Variants in PRICKLE1 observed in about 807,000 individuals in gnomAD.
PRICKLE1 encodes prickle-like protein 1.
A neutral mutation model predicts 70.2 loss-of-function variants in PRICKLE1; 14 were observed. That is an observed-to-expected ratio of 0.20 (90% confidence interval 0.13 to 0.31). The LOEUF is 0.31. PRICKLE1 is among the 10% of genes least tolerant of loss of function. The pLI, the probability that PRICKLE1 is intolerant of heterozygous loss-of-function variation, is 1.00. For synonymous variants in PRICKLE1, 357 were observed against 379.9 expected, an observed-to-expected ratio of 0.94 and a Z score of 0.70; for missense variants, 821 against 1,026.2, an observed-to-expected ratio of 0.80 and a Z score of 2.73.
intron 1 of PRICKLE1, among the ~76,000 whole-genome samples, chr12:42,531,679 C>T (rs573017615): frequency 2.6e-5 from 4 of 152,196 alleles, no homozygotes; most frequent in African/African-American, 7.2e-5. Context: ...TTTTCAAAAA[C>T]AACTTAATGG....
At chr12:42,516,804 C>T (rs12578780) in intron 1 of PRICKLE1, among the ~76,000 whole-genome samples, 58,399 of 151,910 alleles carry the variant, frequency 0.38, 11,940 homozygotes, top group East Asian at 0.6. Context: ...TTGTTCTCAC[C>T]GCATGCACCC....
intron 1 of PRICKLE1, among the ~76,000 whole-genome samples, chr12:42,556,138 T>C (rs1453467314): frequency 6.6e-6 from 1 of 152,194 alleles, no homozygotes; most frequent in Non-Finnish European, 1.5e-5. Flanking sequence ...CCTTAAGCAA[T>C]TGATTGTTGA....
chr12:42,548,362 T>C, intron 1 of PRICKLE1, among the ~76,000 whole-genome samples: 1 of 152,186 alleles, frequency 6.6e-6, no homozygotes. Context: ...GAAAAAACCA[T>C]CCTATATTTT....
At position 42,567,395 on chromosome 12, in the gene PRICKLE1, T is replaced by C. The variant is rs1940637575; in HGVS notation, c.-49+22070A>G. 2.6e-5 allele frequency among the ~76,000 whole-genome samples: 4 copies of C among 152,222 alleles called. No individual in the cohort carries two copies. In the South Asian group the frequency reaches 8.3e-4, roughly 32 times the overall value. On this transcript the variant is annotated intron_variant, in intron 1 of 7. Coordinates refer to ENST00000345127, the MANE Select transcript of PRICKLE1 (RefSeq NM_153026.3). Reference sequence around the variant, plus strand: ...CAGTCTTGCCAGATTATTTCTGGAGTATTTCTCAAATGGAAGTAAACTTTT... The same window carrying C: ...CAGTCTTGCCAGATTATTTCTGGAGCATTTCTCAAATGGAAGTAAACTTTT...
intron 1 of PRICKLE1, among the ~76,000 whole-genome samples, chr12:42,479,695 G>A (rs1938718276): frequency 6.6e-6 from 1 of 152,198 alleles, no homozygotes; most frequent in Non-Finnish European, 1.5e-5. Flanking sequence ...AGTGGCTCAT[G>A]CCTGTAATCC....
chr12:42,585,706 T>C (rs1206320630), intron 1 of PRICKLE1, among the ~76,000 whole-genome samples: 4 of 152,170 alleles, frequency 2.6e-5, no homozygotes, highest in Non-Finnish European at 1.5e-5. Flanking sequence ...CTTACTCAGA[T>C]TCCCCATACA....
chr12:42,588,441 G>T (rs1941018879), intron 1 of PRICKLE1, among the ~76,000 whole-genome samples: 1 of 151,904 alleles, frequency 6.6e-6, no homozygotes, highest in South Asian at 2.1e-4. Context: ...GCATCCATTT[G>T]ATAGCACAAA....
Position 42,570,398 on chromosome 12 carries a change from T to C in PRICKLE1, c.-49+19067A>G, listed in dbSNP as rs563181486. ...CTCACAGAATTATGATTAGGCAATT[T>C]TGAATGGCACCCATATTTCTCTTTC... On this transcript the variant is annotated intron_variant, in intron 1 of 7. Transcript: ENST00000345127. 2.6e-5 allele frequency among the ~76,000 whole-genome samples: 4 copies of C among 152,360 alleles called. No homozygotes were observed. The South Asian group carries it at 8.3e-4, about 32-fold the overall frequency.
intron 1 of PRICKLE1, among the ~76,000 whole-genome samples, chr12:42,543,599 T>C (rs954825005): frequency 2.0e-5 from 3 of 152,158 alleles, no homozygotes; most frequent in Non-Finnish European, 4.4e-5. Flanking sequence ...CTTGGCTCAC[T>C]GCAAGCTCCA....
intron 6 of PRICKLE1, chr12:42,465,516 G>A (rs73273967): frequency 1.6e-5 from 8 of 501,488 alleles, no homozygotes; most frequent in South Asian, 4.6e-5. Context: ...GTAAAAATAC[G>A]AACTGAACCA....
intron 1 of PRICKLE1, among the ~76,000 whole-genome samples, chr12:42,489,215 G>T (rs894679690): frequency 6.6e-6 from 1 of 150,872 alleles, no homozygotes; most frequent in African/African-American, 2.4e-5. Context: ...GAGCCACCAC[G>T]CCTGGCTGTA....
intron 1 of PRICKLE1, among the ~76,000 whole-genome samples, chr12:42,530,449 T>A (rs1306184302): frequency 1.3e-5 from 2 of 152,118 alleles, no homozygotes; most frequent in Non-Finnish European, 2.9e-5. Context: ...AATAACACTA[T>A]ATTGCCTCAT....
intron 1 of PRICKLE1, among the ~76,000 whole-genome samples, chr12:42,552,825 T>C (rs989232471): frequency 1.3e-5 from 2 of 152,226 alleles, no homozygotes; most frequent in Non-Finnish European, 2.9e-5. Context: ...CAGGGACCCG[T>C]TTCATGGAAG....
At position 42,460,514 on chromosome 12, in the gene PRICKLE1, A is replaced by C. The variant is rs765766362; in HGVS notation, c.1791T>G (p.Ser597Arg). Residue 597 changes from serine (S) to arginine (R), a missense_variant, in exon 8 of 8, where the codon AGT becomes AGG. Physicochemically the swap from Ser to Arg is moderately radical, Grantham distance 110. Transcript: ENST00000345127. ...MLHRSAESLK[S>R]LSSELCPEKI... ...TCTCTGGACACAACTCTGAACTTAGACTCTTTAAGGACTCTGCACTCCTGT... is the reference window on the plus strand; with the variant it reads ...TCTCTGGACACAACTCTGAACTTAGCCTCTTTAAGGACTCTGCACTCCTGT... The C allele has an allele frequency of 6.2e-7, 1 of 1,613,556 alleles. No individual in the cohort carries two copies. The highest frequency in any genetic ancestry group is 8.5e-7 in the Non-Finnish European group (1 of 1,179,706).
rs575370810 is a variant in PRICKLE1, at chr12:42,575,685, C to T, written c.-49+13780G>A. Reference sequence around the variant, plus strand: ...CTCCAGCCTGGGTGACAGAGCGAAACTCCATCTCAAAAAAAAATAAAAAAA... The same window carrying T: ...CTCCAGCCTGGGTGACAGAGCGAAATTCCATCTCAAAAAAAAATAAAAAAA... On this transcript the variant is annotated intron_variant, in intron 1 of 7. Transcript: ENST00000345127. 3.3e-5 allele frequency among the ~76,000 whole-genome samples: 5 copies of T among 151,304 alleles called. No individual in the cohort carries two copies. In the South Asian group the frequency reaches 1.0e-3, roughly 32 times the overall value.
intron 1 of PRICKLE1, 143 bp from the exon 2 acceptor site, chr12:42,472,707 G>C (rs1938375602): frequency 3.0e-6 from 2 of 662,874 alleles, no homozygotes; most frequent in African/African-American, 3.6e-5. Context: ...ACCACCCCCA[G>C]GCCCCAGGCC....
intron 1 of PRICKLE1, among the ~76,000 whole-genome samples, chr12:42,560,766 TCTCACA>T (rs1377945281): frequency 3.7e-4 from 44 of 119,370 alleles, no homozygotes; most frequent in South Asian, 1.9e-3. Context: ...AAGCCCATCT[TCTCACA>T]CACACACACA....
At chr12:42,564,401 G>A (rs1379409673) in intron 1 of PRICKLE1, among the ~76,000 whole-genome samples, 3 of 152,052 alleles carry the variant, frequency 2.0e-5, no homozygotes, top group Admixed American at 6.6e-5. Context: ...GAGGTCACGA[G>A]TTCGAGATCA....
At chr12:42,584,660 G>A (rs978821077) in intron 1 of PRICKLE1, among the ~76,000 whole-genome samples, 1 of 152,042 alleles carries the variant, frequency 6.6e-6, no homozygotes, top group East Asian at 1.9e-4. Context: ...AACACACTTC[G>A]AAATGCTTTT....
Sources: gnomAD v4.1 joint callset for allele counts (sites outside exome capture counted in the v4.1 genomes callset) on GRCh38, gnomAD v4.1.1 for gene constraint, MANE v1.5 for transcripts, NCBI Gene and HGNC (gene_info 2026-07-23, HGNC 2026-07-21) for gene names.